Variants in ANKFY1 observed in about 807,000 individuals in gnomAD.
ANKFY1 encodes ankyrin repeat and FYVE domain-containing protein 1.
A neutral mutation model predicts 128.3 loss-of-function variants in ANKFY1; 47 were observed. The observed-to-expected ratio is 0.37, with a 90% CI of 0.29 to 0.47. The LOEUF (loss-of-function observed/expected upper bound fraction) is 0.47, where lower values mean the gene tolerates loss of function less well. Among genes scored for constraint, ANKFY1 ranks in the 20% least tolerant of loss-of-function variants. The pLI is 1.00. For missense variants in ANKFY1, 1,222 were observed against 1,510.6 expected (o/e 0.81, Z 3.17); for synonymous variants, 553 against 601.6 (o/e 0.92, Z 1.18).
In ANKFY1 at chr17:4,169,719, G is replaced by A. The variant is rs1240928341; in HGVS notation, c.3287-431C>T. ...AAGTGTGGGATGTGAGCGGGAGCAG[G>A]CAGAAGACACGGGTGATTTCCAGGC... On this transcript the variant is annotated intron_variant, in intron 23 of 24. Transcript: ENST00000341657. This position sits in a 1 kb window ranked among gnomAD's most constrained non-coding sequence, Gnocchi z 5.0. Among the ~76,000 whole-genome samples, 1 of 152,188 alleles carries A rather than the reference G, an allele frequency of 6.6e-6. No homozygotes were observed. Among genetic ancestry groups the A allele is most frequent in the Non-Finnish European group, 1.5e-5 (1 of 68,028 alleles).
intron 1 of ANKFY1, among the ~76,000 whole-genome samples, chr17:4,256,350 C>G (rs972066534): frequency 2.6e-5 from 4 of 152,120 alleles, no homozygotes; most frequent in African/African-American, 9.7e-5. Flanking sequence ...ACGGCGTGAA[C>G]CCGGGAGGTG....
chr17:4,241,916 C>T (rs537435287), intron 2 of ANKFY1, among the ~76,000 whole-genome samples: 22 of 151,694 alleles, frequency 1.5e-4, no homozygotes, highest in African/African-American at 5.1e-4. Flanking sequence ...GTTGAAACCC[C>T]GTCTCTACTA....
In ANKFY1 at chr17:4,234,085, T is replaced by G. The variant is rs556802196; in HGVS notation, c.322+1687A>C. Among the ~76,000 whole-genome samples, 5 of 150,170 alleles carry G rather than the reference T, an allele frequency of 3.3e-5. 1 individual carries two copies. The South Asian group carries it at 1.0e-3, about 31-fold the overall frequency. On this transcript the variant is annotated intron_variant, in intron 3 of 24. Coordinates refer to ENST00000341657, the MANE Select transcript of ANKFY1 (RefSeq NM_001330063.2). ...GCCTATGGCATTCAGCACAGTAACA[T>G]GCTGTACATGCTGTACAGTTACACA...
intron 7 of ANKFY1, among the ~76,000 whole-genome samples, chr17:4,205,092 C>T (rs975731630): frequency 6.6e-6 from 1 of 152,134 alleles, no homozygotes; most frequent in Non-Finnish European, 1.5e-5. Flanking sequence ...AAATGTAGCA[C>T]AGACAATAAT....
chr17:4,179,309 C>T (rs902912171), intron 17 of ANKFY1: 16 of 564,200 alleles, frequency 2.8e-5, no homozygotes, highest in South Asian at 1.2e-4. Flanking sequence ...AGTGAGTCTC[C>T]GCTCTAAGCC....
chr17:4,251,548 A>C (rs1967833111), intron 1 of ANKFY1, among the ~76,000 whole-genome samples: 1 of 151,290 alleles, frequency 6.6e-6, no homozygotes. Flanking sequence ...AAAAAAAAAA[A>C]ACAAAAACTA....
At chr17:4,242,127 T>C (rs1420746557) in intron 2 of ANKFY1, 129 bp downstream of exon 2, 1 of 994,118 alleles carries the variant, frequency 1.0e-6, no homozygotes, top group African/African-American at 1.7e-5. Context: ...GGAGCTTCTA[T>C]TCTAGGGAAT....
chr17:4,178,867 G>C lies in ANKFY1; in HGVS notation c.2588C>G (p.Ala863Gly), dbSNP rs775440284. ...AEAILKRESG[A>G]AEQVDNKGRN... is the part of the protein sequence containing the mutation. Reference sequence around the variant, plus strand: ...GTGTTATTCACTCACCTGCTCAGCAGCCCCGGACTCTCGTTTGAGAATGGC... The same window carrying C: ...GTGTTATTCACTCACCTGCTCAGCACCCCCGGACTCTCGTTTGAGAATGGC... The change falls in exon 18 of 25, where the codon GCT becomes GGT. Residue 863 changes from alanine to glycine, a missense_variant. Coordinates refer to ENST00000341657, the MANE Select transcript of ANKFY1 (RefSeq NM_001330063.2). The surrounding 1 kb of genome is among the most constrained non-coding windows in gnomAD (Gnocchi z 4.1). 24 of 1,614,210 alleles carry C rather than the reference G, an allele frequency of 1.5e-5. No homozygotes were observed. Among genetic ancestry groups the C allele is most frequent in the Non-Finnish European group, 2.0e-5 (24 of 1,180,040 alleles).
In ANKFY1 at chr17:4,178,684, G is replaced by C; in HGVS notation, c.2598+173C>G. On this transcript the variant is annotated intron_variant, in intron 18 of 24. Coordinates refer to ENST00000341657, the MANE Select transcript of ANKFY1 (RefSeq NM_001330063.2). The surrounding 1 kb of genome is among the most constrained non-coding windows in gnomAD (Gnocchi z 4.1). ...CGCTGACACACAGGCAGAGGAGCCG[G>C]ATCTCATCCTGCACGGATGGGACAT... 1 of 669,794 alleles carries C rather than the reference G, an allele frequency of 1.5e-6. No homozygotes were observed. The highest frequency in any genetic ancestry group is 2.6e-6 in the Non-Finnish European group (1 of 392,056). 41.5% of individuals were successfully genotyped at this position (669,794 alleles called of 1,614,324 possible). A position where few individuals can be genotyped will look rare whatever the true frequency, so the allele number is the denominator to read the frequency against.
intron 2 of ANKFY1, among the ~76,000 whole-genome samples, chr17:4,238,852 G>A (rs1967056546): frequency 6.6e-6 from 1 of 151,390 alleles, no homozygotes; most frequent in Non-Finnish European, 1.5e-5. Flanking sequence ...CTCCACCTTC[G>A]GGTTCAAGCA....
chr17:4,219,431 G>A (rs907868709), intron 3 of ANKFY1, among the ~76,000 whole-genome samples: 94 of 152,208 alleles, frequency 6.2e-4, no homozygotes, highest in African/African-American at 2.2e-3. Context: ...ATGGGGCCCA[G>A]CACATGTCCT....
intron 10 of ANKFY1, among the ~76,000 whole-genome samples, chr17:4,194,086 C>CATATATAT (rs200667678): frequency 1.3e-3 from 59 of 46,492 alleles, no homozygotes; most frequent in Non-Finnish European, 1.9e-3. Flanking sequence ...CACGCCCGGC[C>CATATATAT]ATATATATAT....
At chr17:4,259,935 A>C (rs1418362071) in intron 1 of ANKFY1, among the ~76,000 whole-genome samples, 6 of 152,192 alleles carry the variant, frequency 3.9e-5, no homozygotes, top group African/African-American at 1.2e-4. Flanking sequence ...TTGTGTGGAG[A>C]AACAGCGGAG....
Position 4,185,051 on chromosome 17 carries a change from A to G in ANKFY1, c.1471-5T>C. 2 of 1,609,710 alleles carry G rather than the reference A, an allele frequency of 1.2e-6. No individual in the cohort carries two copies. Among genetic ancestry groups the G allele is most frequent in the East Asian group, 2.2e-5 (1 of 44,864 alleles). ...TGTGTGCAACGGGGTTTCTCCCTGA[A>G]TGGAAACAAATGGCCGAAATCTGAG... On this transcript the variant is annotated splice_polypyrimidine_tract_variant and splice_region_variant and intron_variant, in intron 11 of 24. Transcript: ENST00000341657.
intron 1 of ANKFY1, among the ~76,000 whole-genome samples, chr17:4,253,646 C>T (rs1290453022): frequency 6.6e-6 from 1 of 152,166 alleles, no homozygotes; most frequent in Non-Finnish European, 1.5e-5. Context: ...ACAATTTCAG[C>T]TGGTTCCCCA....
Position 4,177,236 on chromosome 17 carries a change from A to G in ANKFY1, c.2665T>C (p.Phe889Leu). 1 of 1,606,778 alleles carries G rather than the reference A, an allele frequency of 6.2e-7. No individual in the cohort carries two copies. Among genetic ancestry groups the G allele is most frequent in the Non-Finnish European group, 8.5e-7 (1 of 1,176,518 alleles). Residue 889 changes from phenylalanine to leucine, a missense_variant, in exon 19 of 25, where the codon TTC becomes CTC. By Grantham distance (22) the Phe-to-Leu change is conservative. Coordinates refer to ENST00000341657, the MANE Select transcript of ANKFY1 (RefSeq NM_001330063.2). ...VQNSDIESVL[F>L]LISVHANVNS... Reference sequence around the variant, plus strand: ...ACATTAGCGTGGACACTGATCAGGAACAGCACACTTTCAATATCAGAGTTC... The same window carrying G: ...ACATTAGCGTGGACACTGATCAGGAGCAGCACACTTTCAATATCAGAGTTC...
chr17:4,218,600 T>C (rs2060258327), intron 3 of ANKFY1, among the ~76,000 whole-genome samples: 1 of 152,090 alleles, frequency 6.6e-6, no homozygotes, highest in Non-Finnish European at 1.5e-5. Context: ...ATTCAAAAAT[T>C]ACACCAAAAT....
intron 2 of ANKFY1, among the ~76,000 whole-genome samples, chr17:4,241,595 T>G (rs1967229282): frequency 6.6e-6 from 1 of 151,950 alleles, no homozygotes; most frequent in African/African-American, 2.4e-5. Flanking sequence ...ACAGAAGCTG[T>G]ATGACTCCAG....
At position 4,242,287 on chromosome 17, in the gene ANKFY1, C is replaced by T. The variant is rs1360654802; in HGVS notation, c.172G>A (p.Val58Met). The T allele has an allele frequency of 3.1e-6, 5 of 1,591,536 alleles. No individual in the cohort carries two copies. The highest frequency in any genetic ancestry group is 2.3e-5 in the East Asian group (1 of 43,094). ...ESFISRLLAI[V>M]ADLYEQEQYS... ...TGCTCCTGCTCGTAGAGGTCTGCCA[C>T]GATGGCCAGCAGACGGCTGATGAAG... The change falls in exon 2 of 25, where the codon GTG becomes ATG. Residue 58 changes from valine to methionine, a missense_variant. Val to Met is a conservative substitution (Grantham distance 21). Transcript: ENST00000341657.
Sources: allele counts gnomAD v4.1 joint callset (sites outside exome capture counted in the v4.1 genomes callset), GRCh38; gene constraint gnomAD v4.1.1; non-coding constraint Gnocchi (gnomAD v3.1); transcripts MANE v1.5; gene names NCBI Gene and HGNC (gene_info 2026-07-23, HGNC 2026-07-21).